PLXNB2: variants seen among roughly 807,000 people sequenced by gnomAD.
PLXNB2 encodes the protein plexin-B2.
A neutral mutation model predicts 202.6 loss-of-function variants in PLXNB2; 85 were observed. That is an observed-to-expected ratio of 0.42 (90% confidence interval 0.35 to 0.50). The LOEUF (loss-of-function observed/expected upper bound fraction) is 0.50. Ranked by LOEUF, PLXNB2 falls within the 20% of genes least tolerant of loss-of-function variation. The pLI is 0.02. For synonymous variants in PLXNB2, 1,239 were observed against 1,137.6 expected (o/e 1.09, Z -1.79); for missense variants, 2,063 against 2,586.2 (o/e 0.80, Z 4.39).
chr22:50,276,488 G>A (rs1027362435), intron 35 of PLXNB2, 141 bp downstream of exon 35: 20 of 713,372 alleles, frequency 2.8e-5, no homozygotes, highest in Non-Finnish European at 4.7e-5. Context: ...ACTTCACATG[G>A]CCGAGCCCAC....
At chr22:50,278,308 TCTGGGGGC>T in intron 30 of PLXNB2, 37 bp from the exon 31 acceptor site, 2 of 1,603,762 alleles carry the variant, frequency 1.2e-6, no homozygotes, top group Non-Finnish European at 1.7e-6. Flanking sequence ...CCTACCCAGG[TCTGGGGGC>T]CTGGGTCCCA....
In PLXNB2 at chr22:50,283,967, CA is replaced by C; in HGVS notation, c.2286del (p.Phe762LeufsTer100). 6.5e-7 allele frequency: 1 copy of C among 1,549,826 alleles called. No individual in the cohort carries two copies. The highest frequency in any genetic ancestry group is 2.4e-5 in the East Asian group (1 of 41,626). On this transcript the variant is annotated frameshift_variant, in exon 14 of 37. Coordinates refer to ENST00000359337, the MANE Select transcript of PLXNB2 (RefSeq NM_012401.4). LOFTEE classifies it high-confidence loss of function. ...KLHVTLYNCS[F>X]GRSDCSLCRA... ...CGGCACAGGCTGCAGTCGCTGCGGC[CA>C]AAGGAGCAGTTGTAGAGGGTCACTG...
intron 1 of PLXNB2, 60 bp from the exon 2 acceptor site, chr22:50,294,838 C>G (rs376915374): frequency 2.8e-5 from 24 of 850,692 alleles, no homozygotes; most frequent in African/African-American, 2.4e-4. Context: ...TGGAGCCCCC[C>G]ACCTCTGTCC....
chr22:50,284,605 C>G lies in PLXNB2; in HGVS notation c.2149G>C (p.Glu717Gln). 1.2e-6 allele frequency: 2 copies of G among 1,609,518 alleles called. No homozygotes were observed. Among genetic ancestry groups the G allele is most frequent in the Non-Finnish European group, 1.7e-6 (2 of 1,178,534 alleles). The change falls in exon 12 of 37, where the codon GAA (glutamate) becomes CAA (glutamine). Residue 717 changes from glutamate to glutamine, a missense_variant. Glu to Gln is a conservative substitution (Grantham distance 29, BLOSUM62 2). Around this residue, in one of 2 missense-constraint regions of PLXNB2, gnomAD observed 1,303 missense variants for 1,476.8 expected, o/e 0.88. Coordinates refer to ENST00000359337, the MANE Select transcript of PLXNB2 (RefSeq NM_012401.4). This position sits in a 1 kb window ranked among gnomAD's most constrained non-coding sequence, Gnocchi z 8.0. ...GTCCGAAAGGCGAAGGTCCCAGATTCCTGCATGGTCACCGGCTCCATGAAC... is the reference window on the plus strand; with the variant it reads ...GTCCGAAAGGCGAAGGTCCCAGATTGCTGCATGGTCACCGGCTCCATGAAC... ...LKFMEPVTMQ[E>Q]SGTFAFRTPK...
intron 11 of PLXNB2, 105 bp downstream of exon 11, chr22:50,285,695 G>A (rs1423468158): frequency 2.2e-5 from 15 of 669,614 alleles, no homozygotes; most frequent in Middle Eastern, 4.2e-4. Flanking sequence ...GCCTGTCACC[G>A]GCCGGCACCC....
At position 50,279,787 on chromosome 22, in the gene PLXNB2, AC is replaced by A. The variant is rs780728592; in HGVS notation, c.4243-12del. Reference sequence around the variant, plus strand: ...CTCCCCGGCACTGTCCTGGAGTAACACGGAGGGGAGGCTGGGAGGTCAGGGG... The same window carrying A: ...CTCCCCGGCACTGTCCTGGAGTAACAGGAGGGGAGGCTGGGAGGTCAGGGG... On this transcript the variant is annotated splice_polypyrimidine_tract_variant and intron_variant, in intron 26 of 36. Transcript: ENST00000359337. 1 of 1,613,600 alleles carries A rather than the reference AC, an allele frequency of 6.2e-7. No individual in the cohort carries two copies. The highest frequency in any genetic ancestry group is 2.2e-5 in the East Asian group (1 of 44,874).
chr22:50,278,918 T>C lies in PLXNB2; in HGVS notation c.4483A>G (p.Ile1495Val), dbSNP rs1295164975. The C allele has an allele frequency of 5.0e-6, 8 of 1,613,110 alleles. No individual in the cohort carries two copies. Among genetic ancestry groups the C allele is most frequent in the Non-Finnish European group, 5.9e-6 (7 of 1,179,470 alleles). ...DTISQVKEKI[I>V]DQVYRGQPCS... ...GGCTGCCCACGGTACACCTGGTCAA[T>C]GATCTTCTCCTTGACCTGGGAGATG... is the stretch of plus-strand genomic sequence containing the variant. The change falls in exon 28 of 37, where the codon ATT (isoleucine) becomes GTT (valine). Residue 1495 changes from isoleucine to valine, a missense_variant. By Grantham distance (29) the Ile-to-Val change is conservative. Coordinates refer to ENST00000359337, the MANE Select transcript of PLXNB2 (RefSeq NM_012401.4).
Position 50,278,471 on chromosome 22 carries a change from G to T in PLXNB2, c.4696C>A (p.Gln1566Lys). The change falls in exon 30 of 37, where the codon CAG becomes AAG. Residue 1566 changes from glutamine (Q) to lysine (K), a missense_variant. Coordinates refer to ENST00000359337, the MANE Select transcript of PLXNB2 (RefSeq NM_012401.4). Reference sequence around the variant, plus strand: ...AGGTCCTGCTGGCTGTCCTCCGGCTGCTGGGAGACCCCCACCTTGGACAGG... The same window carrying T: ...AGGTCCTGCTGGCTGTCCTCCGGCTTCTGGGAGACCCCCACCTTGGACAGG... ...LILSKVGVSQQPEDSQQDLPG... is the reference protein window; with the variant it reads ...LILSKVGVSQKPEDSQQDLPG... 1 of 1,560,348 alleles carries T rather than the reference G, an allele frequency of 6.4e-7. No individual in the cohort carries two copies. The highest frequency in any genetic ancestry group is 8.7e-7 in the Non-Finnish European group (1 of 1,152,508).
intron 2 of PLXNB2, among the ~76,000 whole-genome samples, chr22:50,292,311 C>G (rs951917863): frequency 2.1e-5 from 3 of 141,700 alleles, no homozygotes; most frequent in African/African-American, 8.3e-5. Context: ...GCACTCCAGC[C>G]TGGGTGACAG....
In PLXNB2 at chr22:50,277,737, A is replaced by C; in HGVS notation, c.5050T>G (p.Leu1684Val). 1 of 1,595,630 alleles carries C rather than the reference A, an allele frequency of 6.3e-7. No individual in the cohort carries two copies. The highest frequency in any genetic ancestry group is 8.6e-7 in the Non-Finnish European group (1 of 1,167,806). The change falls in exon 33 of 37, where the codon TTA becomes GTA. Residue 1684 changes from leucine to valine, a missense_variant and splice_region_variant. Leu to Val is a conservative substitution (Grantham distance 32). Coordinates refer to ENST00000359337, the MANE Select transcript of PLXNB2 (RefSeq NM_012401.4). ...ATGTTCACCCAGAACCGGAGCGGTAAGCTGAGGCAGAGCAGCAGGGAATGA... is the reference window on the plus strand; with the variant it reads ...ATGTTCACCCAGAACCGGAGCGGTACGCTGAGGCAGAGCAGCAGGGAATGA... ...DTIHIWKTNS[L>V]PLRFWVNILK...
chr22:50,275,385 C>T lies in PLXNB2; in HGVS notation c.*319G>A, dbSNP rs749438578. 9 of 485,824 alleles carry T rather than the reference C, an allele frequency of 1.9e-5. No individual in the cohort carries two copies. Among genetic ancestry groups the T allele is most frequent in the Middle Eastern group, 4.2e-4 (1 of 2,358 alleles). The allele number at this position is 485,824 out of a possible 1,614,324, so 30.1% of individuals were successfully genotyped here. Reference sequence around the variant, plus strand: ...GCGGCTGCTGGTGCGTGGGCGGAGGCGGAGGCCAGCTGCCCCCAGCGTGGC... The same window carrying T: ...GCGGCTGCTGGTGCGTGGGCGGAGGTGGAGGCCAGCTGCCCCCAGCGTGGC... On this transcript the variant is annotated 3_prime_UTR_variant, in exon 37 of 37. Coordinates refer to ENST00000359337, the MANE Select transcript of PLXNB2 (RefSeq NM_012401.4).
In PLXNB2 at chr22:50,291,106, G is replaced by A. The variant is rs1394423517; in HGVS notation, c.-13-509C>T. Among the ~76,000 whole-genome samples, 1 of 152,206 alleles carries A rather than the reference G, an allele frequency of 6.6e-6. No homozygotes were observed. Among genetic ancestry groups the A allele is most frequent in the Non-Finnish European group, 1.5e-5 (1 of 68,034 alleles). ...CGGGAAACCAGAGGCTCAGGTGAGA[G>A]CGAGGGGTGCCCTGTGCATAGCCCA... On this transcript the variant is annotated intron_variant, in intron 2 of 36. Transcript: ENST00000359337. This position sits in a 1 kb window ranked among gnomAD's most constrained non-coding sequence, Gnocchi z 4.3.
Position 50,288,855 on chromosome 22 carries a change from T to C in PLXNB2, c.1268A>G (p.Asp423Gly), listed in dbSNP as rs2066659395. The C allele has an allele frequency of 4.3e-6, 7 of 1,613,262 alleles. No individual in the cohort carries two copies. The highest frequency in any genetic ancestry group is 3.3e-5 in the Admixed American group (2 of 59,990). Residue 423 changes from aspartate to glycine, a missense_variant, in exon 5 of 37, where the codon GAT becomes GGT. Asp to Gly is a moderately conservative substitution (Grantham distance 94). This residue lies in a region of PLXNB2 where 1,303 missense variants were observed against 1,476.8 expected (regional missense o/e 0.88). Coordinates refer to ENST00000359337, the MANE Select transcript of PLXNB2 (RefSeq NM_012401.4). This position sits in a 1 kb window ranked among gnomAD's most constrained non-coding sequence, Gnocchi z 5.0. ...AGAGTCGTACTCTGAGGAGGTGCCA[T>C]CTGGGGTGAGGTACACCTGTGTGCG... ...GRILKVYLTP[D>G]GTSSEYDSIL... is the part of the protein sequence containing the mutation.
chr22:50,283,198 G>A lies in PLXNB2; in HGVS notation c.2680-12C>T, dbSNP rs773092735. The A allele has an allele frequency of 6.3e-6, 10 of 1,599,036 alleles. No homozygotes were observed. Among genetic ancestry groups the A allele is most frequent in the Non-Finnish European group, 8.5e-6 (10 of 1,173,848 alleles). ...AGAGGCTTGGGCTGCTGAAAGAGCCGCAGGGGCACTCGGGTGAGGACGGGG... is the reference window on the plus strand; with the variant it reads ...AGAGGCTTGGGCTGCTGAAAGAGCCACAGGGGCACTCGGGTGAGGACGGGG... On this transcript the variant is annotated splice_polypyrimidine_tract_variant and intron_variant, in intron 16 of 36. Transcript: ENST00000359337.
chr22:50,294,860 G>A lies in PLXNB2; in HGVS notation c.-73-82C>T, dbSNP rs1171350912. ...CCCCACCTCTGTCCCATGCTGGTGGGGCTTGGGGGAAGAAACATCCCACAG... is the reference window on the plus strand; with the variant it reads ...CCCCACCTCTGTCCCATGCTGGTGGAGCTTGGGGGAAGAAACATCCCACAG... On this transcript the variant is annotated intron_variant, in intron 1 of 36. Transcript: ENST00000359337. The A allele has an allele frequency of 8.5e-6, 6 of 708,110 alleles. No homozygotes were observed. The Admixed American group carries it at 3.1e-4, about 37-fold the overall frequency. The allele number at this position is 708,110 out of a possible 1,614,324, so 43.9% of individuals were successfully genotyped here. A position where few individuals can be genotyped will look rare whatever the true frequency, so the allele number is the denominator to read the frequency against.
Position 50,279,750 on chromosome 22 carries a change from C to T in PLXNB2, c.4269G>A (p.Lys1423=), listed in dbSNP as rs1297349663. ...CCTGATGTTTGATGGCCTTGAAGAGCTTGTACAGGGGCTCCCCGGCACTGT... is the reference window on the plus strand; with the variant it reads ...CCTGATGTTTGATGGCCTTGAAGAGTTTGTACAGGGGCTCCCCGGCACTGT... The part of the protein sequence containing the change: ...LKDSAGEPLY[K]LFKAIKHQVE... The change falls in exon 27 of 37, where the codon AAG becomes AAA. Residue 1423 remains lysine (K), a synonymous_variant. Coordinates refer to ENST00000359337, the MANE Select transcript of PLXNB2 (RefSeq NM_012401.4). The T allele has an allele frequency of 5.0e-6, 8 of 1,613,996 alleles. No homozygotes were observed. Among genetic ancestry groups the T allele is most frequent in the East Asian group, 2.2e-5 (1 of 44,876 alleles).
chr22:50,279,088 C>T lies in PLXNB2; in HGVS notation c.4390-77G>A, dbSNP rs560984092. ...ACCATGCAGGAGCCACTCCCTGCCC[C>T]GCCAGCTTTGCCCACCACAGCGGCA... On this transcript the variant is annotated intron_variant, in intron 27 of 36. Transcript: ENST00000359337. The T allele has an allele frequency of 1.5e-4, 217 of 1,450,572 alleles. 2 individuals are homozygous for T. In the East Asian group the frequency reaches 4.7e-3, roughly 31 times the overall value. 89.9% of individuals were successfully genotyped at this position (1,450,572 alleles called of 1,614,324 possible).
In PLXNB2 at chr22:50,287,993, G is replaced by A; in HGVS notation, c.1425C>T (p.Cys475=). 2 of 1,575,990 alleles carry A rather than the reference G, an allele frequency of 1.3e-6. No homozygotes were observed. The highest frequency in any genetic ancestry group is 8.6e-7 in the Non-Finnish European group (1 of 1,161,468). ...GGTCCTGGGAGTCGCGGCACTGGGT[G>A]CAGGTCGGGTAGCTCAGGCACTCCT... ...PVQECLSYPT[C]TQCRDSQDPY... is the part of the protein sequence containing the mutation. Residue 475 remains cysteine (C), a synonymous_variant, in exon 6 of 37, where the codon TGC becomes TGT. Coordinates refer to ENST00000359337, the MANE Select transcript of PLXNB2 (RefSeq NM_012401.4).
chr22:50,290,103 C>T lies in PLXNB2; in HGVS notation c.482G>A (p.Gly161Asp). 1 of 1,613,158 alleles carries T rather than the reference C, an allele frequency of 6.2e-7. No homozygotes were observed. The highest frequency in any genetic ancestry group is 8.5e-7 in the Non-Finnish European group (1 of 1,180,006). The stretch of plus-strand genomic sequence containing the variant: ...AAACAGCACGCGGTCACCACCAGGA[C>T]CCGTGGAGCTCACCAGCCCCACTGT... ...VATVGLVSST[G>D]PGGDRVLFVG... Residue 161 changes from glycine (G) to aspartate (D), a missense_variant, in exon 3 of 37, where the codon GGT becomes GAT. By Grantham distance (94) the Gly-to-Asp change is moderately conservative. This residue lies in a region of PLXNB2 where 1,303 missense variants were observed against 1,476.8 expected (regional missense o/e 0.88). Transcript: ENST00000359337.
Sources: allele counts gnomAD v4.1 joint callset (sites outside exome capture counted in the v4.1 genomes callset), GRCh38; gene constraint gnomAD v4.1.1; regional missense constraint gnomAD v4.1.1; non-coding constraint Gnocchi (gnomAD v3.1); transcripts MANE v1.5; gene names NCBI Gene and HGNC (gene_info 2026-07-23, HGNC 2026-07-21).